The following ATXN1 variants were observed in gnomAD, a reference collection of about 807,000 sequenced individuals.
ATXN1 encodes the protein ataxin-1.
In ATXN1, 8 loss-of-function variants were observed where a neutral mutation model predicts 56.4. The observed-to-expected ratio is 0.14, with a 90% confidence interval of 0.08 to 0.26. The LOEUF (loss-of-function observed/expected upper bound fraction) is 0.26. Among genes scored for constraint, ATXN1 ranks in the 10% least tolerant of loss-of-function variants. The pLI, the probability that ATXN1 is intolerant of heterozygous loss-of-function variation, is 1.00. For synonymous variants in ATXN1, 514 were observed against 494.6 expected (o/e 1.04, Z -0.52); for missense variants, 987 against 1,106.5 (o/e 0.89, Z 1.53).
chr6:16,694,752 C>CAGTAG (rs956341475), intron 2 of ATXN1, among the ~76,000 whole-genome samples: 2 of 151,950 alleles, frequency 1.3e-5, no homozygotes, highest in Admixed American at 6.5e-5. Context: ...ATAAGAGGGT[C>CAGTAG]CTACTACCTC....
At chr6:16,579,075 T>C (rs933056751) in intron 4 of ATXN1, among the ~76,000 whole-genome samples, 1 of 152,216 alleles carries the variant, frequency 6.6e-6, no homozygotes, top group Non-Finnish European at 1.5e-5. Flanking sequence ...ACTCCAGAGA[T>C]GGCTGTATTT....
chr6:16,417,592 C>G (rs1272798947), intron 6 of ATXN1, among the ~76,000 whole-genome samples: 4 of 152,020 alleles, frequency 2.6e-5, no homozygotes, highest in Non-Finnish European at 5.9e-5. Context: ...GCGCCCACCA[C>G]CATACCTGGC....
intron 3 of ATXN1, among the ~76,000 whole-genome samples, chr6:16,607,830 ATC>A (rs1189505526): frequency 3.9e-5 from 6 of 152,274 alleles, no homozygotes; most frequent in Admixed American, 2.6e-4. Flanking sequence ...GTCACAACAT[ATC>A]TTTTTGGGCA....
chr6:16,738,991 C>T (rs1219917114), intron 2 of ATXN1: 2 of 152,126 alleles, frequency 1.3e-5, no homozygotes, highest in African/African-American at 4.8e-5. Flanking sequence ...TGAAATATCT[C>T]TTCCATTCCT....
rs1440852665 is a variant in ATXN1 at position 16,760,802 on chromosome 6, A to AC, written c.-730+495dup. On this transcript the variant is annotated intron_variant, in intron 1 of 7. Transcript: ENST00000436367. This position sits in a 1 kb window ranked among gnomAD's most constrained non-coding sequence, Gnocchi z 5.3. ...GAAGAGGGCGGCCGGGAAAGGGACC[A>AC]CCCCCCAACCCCAGCCGCCGCCTCC... 1.3e-5 allele frequency among the ~76,000 whole-genome samples: 2 copies of AC among 148,990 alleles called. No individual in the cohort carries two copies. Among genetic ancestry groups the AC allele is most frequent in the Non-Finnish European group, 3.0e-5 (2 of 67,000 alleles).
At chr6:16,749,932 C>G (rs1453155435) in intron 2 of ATXN1, 1 of 152,358 alleles carries the variant, frequency 6.6e-6, no homozygotes, top group Non-Finnish European at 1.5e-5. Flanking sequence ...CAGATGTCCA[C>G]CAGCACCTAG....
chr6:16,518,219 G>A (rs1490203842), intron 5 of ATXN1, among the ~76,000 whole-genome samples: 4 of 152,182 alleles, frequency 2.6e-5, no homozygotes, highest in East Asian at 1.9e-4. Context: ...GAAACGCCAC[G>A]CCCCACCCCA....
intron 6 of ATXN1, among the ~76,000 whole-genome samples, chr6:16,460,098 G>A (rs138615559): frequency 2.6e-4 from 40 of 152,182 alleles, no homozygotes; most frequent in African/African-American, 6.3e-4. Flanking sequence ...CGGATACAGC[G>A]AGATGGCCAG....
chr6:16,553,364 T>C (rs947886967), intron 4 of ATXN1, among the ~76,000 whole-genome samples: 2 of 152,214 alleles, frequency 1.3e-5, no homozygotes, highest in Admixed American at 6.5e-5. Flanking sequence ...AGGAAACTCT[T>C]GACCCTCATG....
intron 4 of ATXN1, among the ~76,000 whole-genome samples, chr6:16,544,503 G>A (rs1761776829): frequency 6.6e-6 from 1 of 152,200 alleles, no homozygotes; most frequent in Non-Finnish European, 1.5e-5. Flanking sequence ...TCCCCCTAAT[G>A]ACAGCTAGAG....
intron 6 of ATXN1, among the ~76,000 whole-genome samples, chr6:16,353,605 C>T (rs973261892): frequency 1.1e-4 from 16 of 152,058 alleles, no homozygotes; most frequent in Non-Finnish European, 1.6e-4. Context: ...ACCTGGGAGG[C>T]GGAGGTTGCA....
intron 2 of ATXN1, among the ~76,000 whole-genome samples, chr6:16,752,632 C>G (rs576564875): frequency 6.6e-6 from 1 of 152,170 alleles, no homozygotes; most frequent in Non-Finnish European, 1.5e-5. Flanking sequence ...CTTTTTCCTT[C>G]CTGATTTAAT....
intron 6 of ATXN1, among the ~76,000 whole-genome samples, chr6:16,406,022 G>A (rs1423990802): frequency 1.3e-5 from 2 of 152,154 alleles, no homozygotes; most frequent in African/African-American, 4.8e-5. Context: ...TTCACTCTCA[G>A]AAAGAAAATA....
chr6:16,615,560 C>T (rs1763192446), intron 3 of ATXN1: 1 of 147,392 alleles, frequency 6.8e-6, no homozygotes, highest in African/African-American at 2.5e-5. Context: ...AAAATCACAG[C>T]ATCACCATTC....
chr6:16,616,821 C>T (rs934360671), intron 3 of ATXN1, among the ~76,000 whole-genome samples: 22 of 151,052 alleles, frequency 1.5e-4, no homozygotes, highest in African/African-American at 4.9e-4. Flanking sequence ...CCCATAGCCA[C>T]GGTTTTGCTT....
rs1201156638 is a variant in ATXN1, at chr6:16,301,295, A to G, written c.*5034T>C. On this transcript the variant is annotated 3_prime_UTR_variant, in exon 8 of 8. Transcript: ENST00000436367. ...TTAAAAAAAAATTCCCACAAGGTAT[A>G]GTGCTACAAGAAAAGATCCTATCAT... is the stretch of plus-strand genomic sequence containing the variant. 1 of 152,628 alleles carries G rather than the reference A, an allele frequency of 6.6e-6. No homozygotes were observed. Among genetic ancestry groups the G allele is most frequent in the Non-Finnish European group, 1.5e-5 (1 of 68,032 alleles). The allele number at this position is 152,628 out of a possible 1,614,324, so 9.5% of individuals were successfully genotyped here. A position where few individuals can be genotyped will look rare whatever the true frequency, so the allele number is the denominator to read the frequency against.
At chr6:16,313,251 T>C (rs1760440142) in intron 7 of ATXN1, among the ~76,000 whole-genome samples, 1 of 152,176 alleles carries the variant, frequency 6.6e-6, no homozygotes, top group Non-Finnish European at 1.5e-5. Context: ...AACCTGCTTT[T>C]CCTCTCACCA....
intron 6 of ATXN1, among the ~76,000 whole-genome samples, chr6:16,353,718 C>G (rs1345295924): frequency 6.6e-6 from 1 of 152,104 alleles, no homozygotes; most frequent in Admixed American, 6.5e-5. Flanking sequence ...ACACACTTGG[C>G]CATTAAACTT....
intron 5 of ATXN1, among the ~76,000 whole-genome samples, chr6:16,512,204 C>G (rs1761096898): frequency 6.6e-6 from 1 of 152,220 alleles, no homozygotes; most frequent in Admixed American, 6.5e-5. Flanking sequence ...AAAGGCTTTA[C>G]CACATAGTTT....
Sources: allele counts gnomAD v4.1 joint callset (sites outside exome capture counted in the v4.1 genomes callset), GRCh38; gene constraint gnomAD v4.1.1; non-coding constraint Gnocchi (gnomAD v3.1); transcripts MANE v1.5; gene names NCBI Gene and HGNC (gene_info 2026-07-23, HGNC 2026-07-21).